Variants in INPP4A observed in about 807,000 individuals in gnomAD.
INPP4A encodes inositol polyphosphate-4-phosphatase, type I, 107kD.
Under a neutral mutation model 119.8 loss-of-function variants are expected in INPP4A, and 33 were observed. That is an observed-to-expected ratio of 0.28 (90% CI 0.21 to 0.37). INPP4A has a LOEUF of 0.37. Among genes scored for constraint, INPP4A ranks in the 10% least tolerant of loss-of-function variants. The probability of loss-of-function intolerance (pLI) is 1.00; values close to 1 mark genes in which losing one functional copy is unlikely to be tolerated. For synonymous variants in INPP4A, 496 were observed against 500.7 expected (o/e 0.99, Z 0.12); for missense variants, 956 against 1,289.9 (o/e 0.74, Z 3.97).
intron 1 of INPP4A, among the ~76,000 whole-genome samples, chr2:98,491,477 G>A (rs193117418): frequency 3.9e-5 from 6 of 152,214 alleles, no homozygotes; most frequent in African/African-American, 9.7e-5. Context: ...GGAAGAAGCC[G>A]CACGTTTCCC....
chr2:98,520,107 C>T lies in INPP4A; in HGVS notation c.59C>T (p.Ala20Val). 10 of 1,574,638 alleles carry T rather than the reference C, an allele frequency of 6.4e-6. No individual in the cohort carries two copies. The highest frequency in any genetic ancestry group is 7.8e-6 in the Non-Finnish European group (9 of 1,158,734). Reference sequence around the variant, plus strand: ...GCCAGGGCCCGTGCAATGCAGCGGGCTTCCACCATCGACGTGGCGGCCGAC... The same window carrying T: ...GCCAGGGCCCGTGCAATGCAGCGGGTTTCCACCATCGACGTGGCGGCCGAC... ...HGARARAMQR[A>V]STIDVAADML... The change falls in exon 3 of 25, where the codon GCT becomes GTT. Residue 20 changes from alanine to valine, a missense_variant. Ala to Val is a moderately conservative substitution (Grantham distance 64). Transcript: ENST00000409851.
At chr2:98,497,616 G>A (rs772715470) in intron 1 of INPP4A, among the ~76,000 whole-genome samples, 3 of 152,226 alleles carry the variant, frequency 2.0e-5, no homozygotes, top group Non-Finnish European at 4.4e-5. Context: ...CTGCAGTTGA[G>A]TTGTTTGAGT....
chr2:98,445,252 G>A (rs1323876139), intron 1 of INPP4A, among the ~76,000 whole-genome samples, 167 bp downstream of exon 1: 3 of 152,228 alleles, frequency 2.0e-5, no homozygotes, highest in East Asian at 3.9e-4. Context: ...TGGTCCACCT[G>A]CGGTGGCGTC....
chr2:98,560,191 C>T (rs1695213682), intron 17 of INPP4A, among the ~76,000 whole-genome samples: 1 of 152,182 alleles, frequency 6.6e-6, no homozygotes, highest in Admixed American at 6.5e-5. Context: ...TGGTTTTGAG[C>T]ATGAGTCCCC....
chr2:98,553,177 G>C (rs964058327), intron 14 of INPP4A, among the ~76,000 whole-genome samples: 2 of 152,222 alleles, frequency 1.3e-5, no homozygotes, highest in Non-Finnish European at 2.9e-5. Flanking sequence ...GCAGAGCCCA[G>C]GGCTCATGAC....
At chr2:98,516,647 G>T (rs1188725486) in intron 1 of INPP4A, among the ~76,000 whole-genome samples, 1 of 152,168 alleles carries the variant, frequency 6.6e-6, no homozygotes, top group Non-Finnish European at 1.5e-5. Context: ...GCAATGGAAT[G>T]CTTTAGACAC....
intron 11 of INPP4A, 146 bp downstream of exon 11, chr2:98,544,153 T>A: frequency 1.5e-6 from 1 of 667,402 alleles, no homozygotes. Context: ...ACAGACACTT[T>A]AATGGATTTT....
chr2:98,529,801 T>C (rs1688866665), intron 4 of INPP4A, among the ~76,000 whole-genome samples: 1 of 152,160 alleles, frequency 6.6e-6, no homozygotes, highest in African/African-American at 2.4e-5. Context: ...AACTTTATGA[T>C]ATGTGAATCA....
At chr2:98,529,883 T>C (rs1395681425) in intron 4 of INPP4A, among the ~76,000 whole-genome samples, 1 of 152,032 alleles carries the variant, frequency 6.6e-6, no homozygotes, top group African/African-American at 2.4e-5. Context: ...TGAAGGTAAA[T>C]GAAGGAACCA....
chr2:98,511,722 C>T (rs1270104721), intron 1 of INPP4A, among the ~76,000 whole-genome samples: 1 of 152,124 alleles, frequency 6.6e-6, no homozygotes, highest in Non-Finnish European at 1.5e-5. Flanking sequence ...ATTTGACAGG[C>T]GAGGAAACTG....
chr2:98,533,866 C>G (rs568574168), intron 5 of INPP4A, among the ~76,000 whole-genome samples: 1 of 152,320 alleles, frequency 6.6e-6, no homozygotes, highest in African/African-American at 2.4e-5. Context: ...ATTTACCACC[C>G]TCTTGTCCAG....
chr2:98,486,040 T>A (rs947966706), intron 1 of INPP4A, among the ~76,000 whole-genome samples: 1 of 152,192 alleles, frequency 6.6e-6, no homozygotes, highest in Admixed American at 6.5e-5. Context: ...AGTGGGAGAT[T>A]TGCCAGAGTC....
intron 1 of INPP4A, among the ~76,000 whole-genome samples, chr2:98,492,519 T>A (rs1681034892): frequency 6.6e-6 from 1 of 152,246 alleles, no homozygotes; most frequent in African/African-American, 2.4e-5. Context: ...TACTCATTCC[T>A]GTCTTACTCA....
chr2:98,520,742 T>C lies in INPP4A; in HGVS notation c.151+11T>C. 1 of 1,406,690 alleles carries C rather than the reference T, an allele frequency of 7.1e-7. No homozygotes were observed. Among genetic ancestry groups the C allele is most frequent in the Non-Finnish European group, 9.7e-7 (1 of 1,027,148 alleles). 87.1% of individuals were successfully genotyped at this position (1,406,690 alleles called of 1,614,324 possible). ...TAGAATTTAGCTTAGGTAGGTATCT[T>C]TCATTATTTTTTTGTTTTAAAAAAT... On this transcript the variant is annotated intron_variant, in intron 4 of 24. Transcript: ENST00000409851.
chr2:98,538,160 G>A (rs1204043052), intron 8 of INPP4A, among the ~76,000 whole-genome samples, 186 bp downstream of exon 8: 2 of 152,232 alleles, frequency 1.3e-5, no homozygotes, highest in Non-Finnish European at 2.9e-5. Flanking sequence ...GCTCCTGCCT[G>A]TAAAGCCCTG....
chr2:98,512,579 A>G (rs1685325149), intron 1 of INPP4A, among the ~76,000 whole-genome samples: 2 of 152,188 alleles, frequency 1.3e-5, no homozygotes, highest in Non-Finnish European at 1.5e-5. Flanking sequence ...TGAGAGACAG[A>G]GAGGAAATCG....
intron 4 of INPP4A, 57 bp downstream of exon 4, chr2:98,520,788 C>T (rs1183929154): frequency 1.6e-5 from 15 of 960,616 alleles, no homozygotes; most frequent in South Asian, 3.0e-5. Context: ...AAAATGAAAA[C>T]AAAAACACTA....
intron 24 of INPP4A, among the ~76,000 whole-genome samples, chr2:98,579,585 C>T (rs1559116105): frequency 6.6e-6 from 1 of 152,250 alleles, no homozygotes; most frequent in Non-Finnish European, 1.5e-5. Flanking sequence ...GTGCACGAGG[C>T]ACTGCCCATG....
chr2:98,486,603 G>C (rs1679586985), intron 1 of INPP4A, among the ~76,000 whole-genome samples: 1 of 152,270 alleles, frequency 6.6e-6, no homozygotes, highest in Admixed American at 6.5e-5. Context: ...ACCTGGTCCA[G>C]ATCAAAGAGC....
Sources: gnomAD v4.1 joint callset for allele counts (sites outside exome capture counted in the v4.1 genomes callset) on GRCh38, gnomAD v4.1.1 for gene constraint, MANE v1.5 for transcripts, NCBI Gene and HGNC (gene_info 2026-07-23, HGNC 2026-07-21) for gene names.